Variants in PCDHGA2 observed in about 807,000 individuals in gnomAD.
The protein encoded by PCDHGA2 is protocadherin gamma-A2.
A neutral mutation model predicts 59.2 loss-of-function variants in PCDHGA2; 40 were observed. The observed-to-expected ratio is 0.68, with a 90% CI of 0.52 to 0.88. The LOEUF is 0.88. Ranked by LOEUF, PCDHGA2 falls within the 40% of genes least tolerant of loss-of-function variation. The probability of loss-of-function intolerance (pLI) is 0.00; values close to 1 mark genes in which losing one functional copy is unlikely to be tolerated. For synonymous variants in PCDHGA2, 560 were observed against 526.0 expected (o/e 1.06, Z -0.89); for missense variants, 1,226 against 1,204.0 (o/e 1.02, Z -0.27).
chr5:141,395,101 C>A (rs1197761808), intron 1 of PCDHGA2: 2 of 1,614,164 alleles, frequency 1.2e-6, no homozygotes, highest in East Asian at 4.5e-5. Context: ...ACCGCCGACT[C>A]GCGGAAGAGT....
intron 1 of PCDHGA2, chr5:141,375,404 A>T: frequency 1.2e-6 from 2 of 1,613,912 alleles, no homozygotes; most frequent in South Asian, 1.1e-5. Flanking sequence ...CATCTCTCTA[A>T]ATGTGGCAGA....
chr5:141,356,393 A>G (rs771004657), intron 1 of PCDHGA2: 9 of 1,578,652 alleles, frequency 5.7e-6, no homozygotes, highest in South Asian at 2.3e-5. Flanking sequence ...GAAAAGACCT[A>G]TGGAAATTAT....
At chr5:141,393,754 T>G in intron 1 of PCDHGA2, 1 of 1,613,892 alleles carries the variant, frequency 6.2e-7, no homozygotes, top group Non-Finnish European at 8.5e-7. Flanking sequence ...GAATGTTCAT[T>G]TTATGAAATG....
rs762770481 is a variant in PCDHGA2, at chr5:141,432,320, G to GACT, written c.2425-62484_2425-62482dup. On this transcript the variant is annotated intron_variant, in intron 1 of 3. Coordinates refer to ENST00000394576, the MANE Select transcript of PCDHGA2 (RefSeq NM_018915.4). This position sits in a 1 kb window ranked among gnomAD's most constrained non-coding sequence, Gnocchi z 6.0. ...GGTACTGTATGCGCTGAGCTCCTTC[G>GACT]ACTACGAGCAGTTCCGAGACTTGCA... is the stretch of plus-strand genomic sequence containing the variant. The GACT allele has an allele frequency of 2.6e-5, 42 of 1,614,238 alleles. No individual in the cohort carries two copies. The highest frequency in any genetic ancestry group is 3.6e-5 in the Non-Finnish European group (42 of 1,180,038).
intron 1 of PCDHGA2, chr5:141,395,547 TGTGTGTGTGTGTGTGTGTGTGTGTGTG>T: frequency 5.8e-6 from 1 of 173,894 alleles, no homozygotes; most frequent in Non-Finnish European, 1.2e-5. Flanking sequence ...ATTGTTTGTG[TGTGTGTGTGTGTGTGTGTGTGTGTGTG>T]TGTGTGTGTG....
chr5:141,373,139 A>G (rs886915700), intron 1 of PCDHGA2, among the ~76,000 whole-genome samples: 1 of 152,238 alleles, frequency 6.6e-6, no homozygotes, highest in Non-Finnish European at 1.5e-5. Flanking sequence ...CCTCACAATT[A>G]AGTGGTTTAC....
At chr5:141,461,826 T>G (rs1466528519) in intron 1 of PCDHGA2, among the ~76,000 whole-genome samples, 2 of 151,912 alleles carry the variant, frequency 1.3e-5, no homozygotes, top group Non-Finnish European at 1.5e-5. Flanking sequence ...GCTAATTTTT[T>G]TTTCTTTTTT....
At chr5:141,365,761 TGACCCC>T in intron 1 of PCDHGA2, 1 of 1,613,834 alleles carries the variant, frequency 6.2e-7, no homozygotes, top group Non-Finnish European at 8.5e-7. Context: ...TGACAGCCCA[TGACCCC>T]GACAGCGGCG....
chr5:141,448,894 G>A (rs2098614669), intron 1 of PCDHGA2, among the ~76,000 whole-genome samples: 2 of 152,098 alleles, frequency 1.3e-5, no homozygotes, highest in South Asian at 4.1e-4. Context: ...GCAGTGAGCC[G>A]AGATCGTGCC....
chr5:141,350,698 G>A, intron 1 of PCDHGA2: 1 of 1,613,916 alleles, frequency 6.2e-7, no homozygotes, highest in South Asian at 1.1e-5. Flanking sequence ...CCTTACCCGG[G>A]GTAAAATTCT....
intron 1 of PCDHGA2, among the ~76,000 whole-genome samples, chr5:141,434,630 A>G (rs2097706465): frequency 6.6e-6 from 1 of 152,106 alleles, no homozygotes; most frequent in African/African-American, 2.4e-5. Flanking sequence ...CGTTTCCCAT[A>G]AGGGATACTT....
At position 141,389,227 on chromosome 5, in the gene PCDHGA2, C is replaced by T. The variant is rs1412412051; in HGVS notation, c.2424+47832C>T. On this transcript the variant is annotated intron_variant, in intron 1 of 3. Transcript: ENST00000394576. ...ATTGGTGATGTAAATGACAACGCTC[C>T]GGTTTTCTCACAGTCTTCCTATATA... 35 of 1,614,024 alleles carry T rather than the reference C, an allele frequency of 2.2e-5. No homozygotes were observed. Among genetic ancestry groups the T allele is most frequent in the Non-Finnish European group, 2.8e-5 (33 of 1,179,882 alleles).
At position 141,340,085 on chromosome 5, in the gene PCDHGA2, C is replaced by T. The variant is rs1756904945; in HGVS notation, c.1114C>T (p.His372Tyr). Residue 372 changes from histidine (H) to tyrosine (Y), a missense_variant, in exon 1 of 4, where the codon CAT becomes TAT. Transcript: ENST00000394576. ...AACCATAATTGGGCTTTTTAATGTA[C>T]ATGATAGAGACTCTGGGCAGAACGC... ...PGTIIGLFNV[H>Y]DRDSGQNAFT... 6.2e-7 allele frequency: 1 copy of T among 1,613,892 alleles called. No individual in the cohort carries two copies. Among genetic ancestry groups the T allele is most frequent in the Non-Finnish European group, 8.5e-7 (1 of 1,179,918 alleles).
In PCDHGA2 at chr5:141,431,469, A is replaced by G; in HGVS notation, c.2425-63338A>G. 1.9e-6 allele frequency: 3 copies of G among 1,613,824 alleles called. No individual in the cohort carries two copies. Among genetic ancestry groups the G allele is most frequent in the Non-Finnish European group, 2.5e-6 (3 of 1,179,968 alleles). ...CGCGTGATGGTTCTGGATGCGAACG[A>G]CAACGCACCAGCGTTTGCTCAGCCC... is the stretch of plus-strand genomic sequence containing the variant. On this transcript the variant is annotated intron_variant, in intron 1 of 3. Coordinates refer to ENST00000394576, the MANE Select transcript of PCDHGA2 (RefSeq NM_018915.4). This position sits in a 1 kb window ranked among gnomAD's most constrained non-coding sequence, Gnocchi z 4.8.
At position 141,489,861 on chromosome 5, in the gene PCDHGA2, A is replaced by G. The variant is rs1221756350; in HGVS notation, c.2425-4946A>G. The G allele has an allele frequency of 1.2e-5, 19 of 1,614,058 alleles. No individual in the cohort carries two copies. Among genetic ancestry groups the G allele is most frequent in the Non-Finnish European group, 1.5e-5 (18 of 1,179,998 alleles). On this transcript the variant is annotated intron_variant, in intron 1 of 3. Transcript: ENST00000394576. The surrounding 1 kb of genome is among the most constrained non-coding windows in gnomAD (Gnocchi z 4.5). ...AGCTGGATCGTGAAGCCCAGGCAAGACATCAGCTGGTGCTTACTGCTGTGG... is the reference window on the plus strand; with the variant it reads ...AGCTGGATCGTGAAGCCCAGGCAAGGCATCAGCTGGTGCTTACTGCTGTGG...
chr5:141,374,230 C>T lies in PCDHGA2; in HGVS notation c.2424+32835C>T. On this transcript the variant is annotated intron_variant, in intron 1 of 3. Coordinates refer to ENST00000394576, the MANE Select transcript of PCDHGA2 (RefSeq NM_018915.4). ...AAGGCTCCTTCGTAGGCAACATCGTCAAGGATCTGGGACTGGAGCCCCAGG... is the reference window on the plus strand; with the variant it reads ...AAGGCTCCTTCGTAGGCAACATCGTTAAGGATCTGGGACTGGAGCCCCAGG... 2 of 1,613,996 alleles carry T rather than the reference C, an allele frequency of 1.2e-6. 1 individual carries two copies. Among genetic ancestry groups the T allele is most frequent in the East Asian group, 4.5e-5 (2 of 44,882 alleles).
At chr5:141,370,566 G>A (rs1435194391) in intron 1 of PCDHGA2, 3 of 1,613,936 alleles carry the variant, frequency 1.9e-6, no homozygotes, top group Non-Finnish European at 2.5e-6. Flanking sequence ...GGGGTTTGGC[G>A]TGGGGGATTT....
chr5:141,370,192 G>T (rs1346847979), intron 1 of PCDHGA2: 1 of 524,194 alleles, frequency 1.9e-6, no homozygotes, highest in South Asian at 3.7e-5. Flanking sequence ...CTTGGCTAGT[G>T]CTGTGCAAAA....
In PCDHGA2 at chr5:141,485,735, G is replaced by A; in HGVS notation, c.2425-9072G>A. 6.2e-7 allele frequency: 1 copy of A among 1,614,166 alleles called. No homozygotes were observed. The highest frequency in any genetic ancestry group is 8.5e-7 in the Non-Finnish European group (1 of 1,180,036). On this transcript the variant is annotated intron_variant, in intron 1 of 3. Coordinates refer to ENST00000394576, the MANE Select transcript of PCDHGA2 (RefSeq NM_018915.4). The surrounding 1 kb of genome is among the most constrained non-coding windows in gnomAD (Gnocchi z 5.7). Reference sequence around the variant, plus strand: ...ACTGGATGTGAAGAAGCGCAGCGACGGCAGCCTGGTCCCAGAGCTGCTCCT... The same window carrying A: ...ACTGGATGTGAAGAAGCGCAGCGACAGCAGCCTGGTCCCAGAGCTGCTCCT...
Sources: gnomAD v4.1 joint callset for allele counts (sites outside exome capture counted in the v4.1 genomes callset) on GRCh38, gnomAD v4.1.1 for gene constraint, Gnocchi (gnomAD v3.1) non-coding constraint, MANE v1.5 for transcripts, NCBI Gene and HGNC (gene_info 2026-07-23, HGNC 2026-07-21) for gene names.